ZNF551: variants seen among roughly 807,000 people sequenced by gnomAD.
The protein encoded by ZNF551 is KOX 23 protein (56 AA).
ZNF551 carries 5 observed loss-of-function variants against 7.9 expected under a neutral mutation model. The observed-to-expected ratio is 0.63, with a 90% CI of 0.33 to 1.33. ZNF551 has a LOEUF of 1.33. Among genes scored for constraint, ZNF551 ranks in the 40% most tolerant of loss-of-function variants. ZNF551 has a pLI of 0.05. For synonymous variants in ZNF551, 287 were observed against 277.3 expected (o/e 1.03, Z -0.35); for missense variants, 788 against 825.2 (o/e 0.95, Z 0.55).
At chr19:57,682,460 G>A (rs1038858534) in intron 1 of ZNF551, among the ~76,000 whole-genome samples, 1 of 152,228 alleles carries the variant, frequency 6.6e-6, no homozygotes, top group Non-Finnish European at 1.5e-5. Context: ...CTAAGCTGGG[G>A]GGGATTCAGG....
At position 57,682,177 on chromosome 19, in the gene ZNF551, TCGG is replaced by T. The variant is rs1258439198; in HGVS notation, c.16_18del (p.Gly6del). On this transcript the variant is annotated inframe_deletion, in exon 1 of 3. Transcript: ENST00000282296. ...TGTTGTGTTCGAATGCCCGCCCCGG[TCGG>T]CCGCCGCTCCCCGCCTAGTCCACGG... The T allele has an allele frequency of 6.5e-7, 1 of 1,548,922 alleles. No homozygotes were observed. The highest frequency in any genetic ancestry group is 2.4e-5 in the East Asian group (1 of 40,912).
Position 57,682,038 on chromosome 19 carries a change from C to T in ZNF551, c.-126C>T. 1 of 1,026,162 alleles carries T rather than the reference C, an allele frequency of 9.7e-7. No individual in the cohort carries two copies. Among genetic ancestry groups the T allele is most frequent in the Non-Finnish European group, 1.4e-6 (1 of 709,358 alleles). The allele number at this position is 1,026,162 out of a possible 1,614,324, so 63.6% of individuals were successfully genotyped here. On this transcript the variant is annotated 5_prime_UTR_variant, in exon 1 of 3. Coordinates refer to ENST00000282296, the MANE Select transcript of ZNF551 (RefSeq NM_138347.5). The stretch of plus-strand genomic sequence containing the variant: ...GCCTCTGTCCTGTTTGTCCAGCCCG[C>T]CAGTTTCTGCAGTGGAGGTCGCGAC...
intron 2 of ZNF551, 115 bp downstream of exon 2, chr19:57,685,500 G>C: frequency 6.6e-7 from 1 of 1,513,714 alleles, no homozygotes; most frequent in Non-Finnish European, 9.2e-7. Flanking sequence ...TCTTCCCCCT[G>C]TCAGGATGAC....
chr19:57,682,183 G>T lies in ZNF551; in HGVS notation c.20G>T (p.Arg7Leu), dbSNP rs935936442. The change falls in exon 1 of 3, where the codon CGC becomes CTC. Residue 7 changes from arginine (R) to leucine (L), a missense_variant. Arg to Leu is a moderately radical substitution (Grantham distance 102). Transcript: ENST00000282296. MPAPVG[R>L]RSPPSPRSSM... ...GTTCGAATGCCCGCCCCGGTCGGCC[G>T]CCGCTCCCCGCCTAGTCCACGGAGC... 6.5e-7 allele frequency: 1 copy of T among 1,549,218 alleles called. No homozygotes were observed.
rs1568455302 is a variant in ZNF551 at position 57,685,391 on chromosome 19, G to A, written c.205+6G>A. 1.2e-6 allele frequency: 2 copies of A among 1,613,972 alleles called. No individual in the cohort carries two copies. Among genetic ancestry groups the A allele is most frequent in the East Asian group, 2.2e-5 (1 of 44,878 alleles). ...TGCACATGTAACATCCCTGGGTAAGGCCCTAGCATCCCTCCGAGTGTCTGC... is the reference window on the plus strand; with the variant it reads ...TGCACATGTAACATCCCTGGGTAAGACCCTAGCATCCCTCCGAGTGTCTGC... On this transcript the variant is annotated splice_donor_region_variant and intron_variant, in intron 2 of 2. Coordinates refer to ENST00000282296, the MANE Select transcript of ZNF551 (RefSeq NM_138347.5).
chr19:57,687,215 A>G lies in ZNF551; in HGVS notation c.940A>G (p.Lys314Glu). The G allele has an allele frequency of 6.2e-7, 1 of 1,614,230 alleles. No individual in the cohort carries two copies. Among genetic ancestry groups the G allele is most frequent in the Non-Finnish European group, 8.5e-7 (1 of 1,180,036 alleles). Residue 314 changes from lysine (K) to glutamate (E), a missense_variant, in exon 3 of 3, where the codon AAA becomes GAA. Physicochemically the swap from Lys to Glu is moderately conservative, Grantham distance 56 (BLOSUM62 1). Transcript: ENST00000282296. ...GCCTTATGAATGCAGTGATCGTGAGAAAGCCTTTATCCATAAATCTGAATT... is the reference window on the plus strand; with the variant it reads ...GCCTTATGAATGCAGTGATCGTGAGGAAGCCTTTATCCATAAATCTGAATT... ...ERPYECSDRE[K>E]AFIHKSEFIH... is the part of the protein sequence containing the mutation.
rs1288947865 is a variant in ZNF551 at position 57,690,436 on chromosome 19, T to C, written c.*2148T>C. On this transcript the variant is annotated 3_prime_UTR_variant, in exon 3 of 3. Coordinates refer to ENST00000282296, the MANE Select transcript of ZNF551 (RefSeq NM_138347.5). ...ATATACGTATACGTATATATATACA[T>C]ATGTGTTTATATATGTGTGTGTGTA... The C allele has an allele frequency of 1.5e-5, 2 of 134,706 alleles. No individual in the cohort carries two copies. Among genetic ancestry groups the C allele is most frequent in the African/African-American group, 5.3e-5 (2 of 37,876 alleles). The allele number at this position is 134,706 out of a possible 1,614,324, so 8.3% of individuals were successfully genotyped here.
rs1984518654 is a variant in ZNF551 at position 57,685,259 on chromosome 19, C to T, written c.82-3C>T. 2 of 1,613,614 alleles carry T rather than the reference C, an allele frequency of 1.2e-6. No individual in the cohort carries two copies. Among genetic ancestry groups the T allele is most frequent in the East Asian group, 2.2e-5 (1 of 44,882 alleles). ...GTGGATTGAACTATTCCTGCTGTGA[C>T]AGGGTATGACCTTTGAGGATGTGGC... On this transcript the variant is annotated splice_polypyrimidine_tract_variant and splice_region_variant and intron_variant, in intron 1 of 2. Coordinates refer to ENST00000282296, the MANE Select transcript of ZNF551 (RefSeq NM_138347.5).
intron 1 of ZNF551, 60 bp from the exon 2 acceptor site, chr19:57,685,202 G>C: frequency 6.3e-7 from 1 of 1,594,586 alleles, no homozygotes; most frequent in South Asian, 1.1e-5. Context: ...TGGATGTTGG[G>C]GGCAAGAGGA....
chr19:57,687,976 T>C lies in ZNF551; in HGVS notation c.1701T>C (p.Ser567=), dbSNP rs755059990. ...ATGAATGTAGTGAATGTGGAAAGTC[T>C]TTTAGCCAAAGTGCTAGCCTCATTC... is the stretch of plus-strand genomic sequence containing the variant. ...RPYECSECGK[S]FSQSASLIQH... Residue 567 remains serine (S), a synonymous_variant, in exon 3 of 3, where the codon TCT becomes TCC. Coordinates refer to ENST00000282296, the MANE Select transcript of ZNF551 (RefSeq NM_138347.5). 2.5e-6 allele frequency: 4 copies of C among 1,612,764 alleles called. No individual in the cohort carries two copies. The South Asian group carries it at 3.3e-5, about 13-fold the overall frequency.
intron 1 of ZNF551, among the ~76,000 whole-genome samples, chr19:57,682,839 A>G (rs908750580): frequency 7.9e-5 from 12 of 152,204 alleles, no homozygotes. Flanking sequence ...ACTTTGAGCA[A>G]ATACAAAGCC....
In ZNF551 at chr19:57,687,362, T is replaced by C. The variant is rs760962059; in HGVS notation, c.1087T>C (p.Tyr363His). The change falls in exon 3 of 3, where the codon TAT becomes CAT. Residue 363 changes from tyrosine (Y) to histidine (H), a missense_variant. Coordinates refer to ENST00000282296, the MANE Select transcript of ZNF551 (RefSeq NM_138347.5). ...HQRVHTGERP[Y>H]ECGECGKSFR... The stretch of plus-strand genomic sequence containing the variant: ...GAGAGTTCACACTGGAGAAAGGCCT[T>C]ATGAATGTGGCGAGTGCGGGAAATC... The C allele has an allele frequency of 3.1e-6, 5 of 1,614,204 alleles. No homozygotes were observed. The South Asian group carries it at 4.4e-5, about 14-fold the overall frequency.
In ZNF551 at chr19:57,682,032, A is replaced by T; in HGVS notation, c.-132A>T. ...ATTTTGGCCTCTGTCCTGTTTGTCC[A>T]GCCCGCCAGTTTCTGCAGTGGAGGT... On this transcript the variant is annotated 5_prime_UTR_variant, in exon 1 of 3. Transcript: ENST00000282296. The T allele has an allele frequency of 1.0e-6, 1 of 979,854 alleles. No homozygotes were observed. The highest frequency in any genetic ancestry group is 1.5e-6 in the Non-Finnish European group (1 of 667,774). 60.7% of individuals were successfully genotyped at this position (979,854 alleles called of 1,614,324 possible).
intron 1 of ZNF551, among the ~76,000 whole-genome samples, chr19:57,683,272 C>T (rs1324956810): frequency 1.3e-5 from 2 of 152,160 alleles, no homozygotes; most frequent in African/African-American, 2.4e-5. Flanking sequence ...ATGCGAGAAG[C>T]AGTTGGATTC....
intron 2 of ZNF551, 128 bp from the exon 3 acceptor site, chr19:57,686,353 C>T (rs893167937): frequency 1.5e-6 from 2 of 1,301,216 alleles, no homozygotes; most frequent in African/African-American, 1.5e-5. Flanking sequence ...CAGCCTATTC[C>T]TCCCCAGTTC....
In ZNF551 at chr19:57,682,036, C is replaced by G. The variant is rs576177920; in HGVS notation, c.-128C>G. On this transcript the variant is annotated 5_prime_UTR_variant, in exon 1 of 3. Transcript: ENST00000282296. Reference sequence around the variant, plus strand: ...TGGCCTCTGTCCTGTTTGTCCAGCCCGCCAGTTTCTGCAGTGGAGGTCGCG... The same window carrying G: ...TGGCCTCTGTCCTGTTTGTCCAGCCGGCCAGTTTCTGCAGTGGAGGTCGCG... 18 of 1,008,216 alleles carry G rather than the reference C, an allele frequency of 1.8e-5. No homozygotes were observed. Among genetic ancestry groups the G allele is most frequent in the Non-Finnish European group, 2.6e-5 (18 of 693,360 alleles). The allele number at this position is 1,008,216 out of a possible 1,614,324, so 62.5% of individuals were successfully genotyped here. A position where few individuals can be genotyped will look rare whatever the true frequency, so the allele number is the denominator to read the frequency against.
Position 57,685,274 on chromosome 19 carries a change from G to C in ZNF551, c.94G>C (p.Glu32Gln), listed in dbSNP as rs746985016. ...CCTGCTGTGACAGGGTATGACCTTT[G>C]AGGATGTGGCCATTTATTTCTCCCA... is the stretch of plus-strand genomic sequence containing the variant. ...LRDSAQGMTF[E>Q]DVAIYFSQEE... Residue 32 changes from glutamate to glutamine, a missense_variant, in exon 2 of 3, where the codon GAG (glutamate) becomes CAG (glutamine). Transcript: ENST00000282296. The C allele has an allele frequency of 3.7e-6, 6 of 1,614,096 alleles. No individual in the cohort carries two copies. In the Admixed American group the frequency reaches 6.7e-5, roughly 18 times the overall value.
chr19:57,686,641 C>G lies in ZNF551; in HGVS notation c.366C>G (p.His122Gln), dbSNP rs778754248. Residue 122 changes from histidine (H) to glutamine (Q), a missense_variant, in exon 3 of 3, where the codon CAC becomes CAG. Coordinates refer to ENST00000282296, the MANE Select transcript of ZNF551 (RefSeq NM_138347.5). ...VLKDILPAAE[H>Q]QTTSPVQKSY... Reference sequence around the variant, plus strand: ...AAGACATTTTGCCTGCGGCTGAGCACCAAACCACATCCCCTGTGCAAAAGT... The same window carrying G: ...AAGACATTTTGCCTGCGGCTGAGCAGCAAACCACATCCCCTGTGCAAAAGT... The G allele has an allele frequency of 1.4e-5, 23 of 1,614,080 alleles. No homozygotes were observed. In the African/African-American group the frequency reaches 3.1e-4, roughly 22 times the overall value.
chr19:57,686,541 T>C lies in ZNF551; in HGVS notation c.266T>C (p.Val89Ala). ...IASEQSVSIQ[V>A]RTSKGNTPTQ... ...TCTGAGCAGAGTGTATCTATACAGG[T>C]CAGGACTTCTAAGGGCAATACACCC... The change falls in exon 3 of 3, where the codon GTC becomes GCC. Residue 89 changes from valine (V) to alanine (A), a missense_variant. By Grantham distance (64) the Val-to-Ala change is moderately conservative. Coordinates refer to ENST00000282296, the MANE Select transcript of ZNF551 (RefSeq NM_138347.5). 1 of 1,614,066 alleles carries C rather than the reference T, an allele frequency of 6.2e-7. No homozygotes were observed. Among genetic ancestry groups the C allele is most frequent in the African/African-American group, 1.3e-5 (1 of 75,006 alleles).
Sources: gnomAD v4.1 joint callset for allele counts (sites outside exome capture counted in the v4.1 genomes callset) on GRCh38, gnomAD v4.1.1 for gene constraint, MANE v1.5 for transcripts, NCBI Gene and HGNC (gene_info 2026-07-23, HGNC 2026-07-21) for gene names.